Variants in DDX1 observed in about 807,000 individuals in gnomAD.
DDX1 encodes the protein ATP-dependent RNA helicase DDX1.
In DDX1, 28 loss-of-function variants were observed where a neutral mutation model predicts 108.7. That is an observed-to-expected ratio of 0.26 (90% CI 0.19 to 0.35). The LOEUF (loss-of-function observed/expected upper bound fraction) is 0.35. Ranked by LOEUF, DDX1 falls within the 10% of genes least tolerant of loss-of-function variation. DDX1 has a pLI of 1.00. For synonymous variants in DDX1, 295 were observed against 288.9 expected (o/e 1.02, Z -0.21); for missense variants, 710 against 884.5 (o/e 0.80, Z 2.50).
rs547819590 is a variant in DDX1 at position 15,598,453 on chromosome 2, A to G, written c.259+982A>G. On this transcript the variant is annotated intron_variant, in intron 5 of 25. Transcript: ENST00000233084. ...ATAATGGTTCTGAAAGTCACATCCT[A>G]TGAGGAATAAAGAAAGTAGAAATTT... Among the ~76,000 whole-genome samples the G allele has an allele frequency of 2.6e-5, 4 of 152,312 alleles. No individual in the cohort carries two copies. The East Asian group carries it at 7.7e-4, about 29-fold the overall frequency.
chr2:15,604,287 A>T (rs1267631357), intron 9 of DDX1, 150 bp from the exon 10 acceptor site: 1 of 602,680 alleles, frequency 1.7e-6, no homozygotes, highest in Non-Finnish European at 2.9e-6. Flanking sequence ...AGCCTGTCAA[A>T]TGCTTGTACT....
intron 13 of DDX1, 96 bp from the exon 14 acceptor site, chr2:15,613,128 T>TA: frequency 1.2e-6 from 1 of 847,318 alleles, no homozygotes; most frequent in Non-Finnish European, 1.8e-6. Context: ...TTTCTCAACC[T>TA]TAATTTCCAC....
intron 3 of DDX1, 119 bp downstream of exon 3, chr2:15,595,672 G>A: frequency 1.3e-6 from 1 of 745,028 alleles, no homozygotes; most frequent in Non-Finnish European, 2.3e-6. Context: ...ACTGTATTCA[G>A]ACTATTAGGT....
At chr2:15,596,876 GAATT>G in intron 4 of DDX1, 113 bp downstream of exon 4, 1 of 789,226 alleles carries the variant, frequency 1.3e-6, no homozygotes. Flanking sequence ...AAAAGGTAAG[GAATT>G]AATTACTTGC....
chr2:15,605,842 T>C, intron 10 of DDX1, 108 bp from the exon 11 acceptor site: 1 of 741,918 alleles, frequency 1.3e-6, no homozygotes, highest in Middle Eastern at 4.1e-4. Flanking sequence ...TTATCCATAG[T>C]GACAGGAGAG....
chr2:15,599,743 C>A (rs1241172616), intron 6 of DDX1, 27 bp downstream of exon 6: 1 of 1,551,402 alleles, frequency 6.4e-7, no homozygotes, highest in Admixed American at 1.8e-5. Flanking sequence ...TCCATCAGCT[C>A]ATTTGTAATT....
intron 10 of DDX1, among the ~76,000 whole-genome samples, chr2:15,605,045 A>G (rs917461104): frequency 6.6e-6 from 1 of 152,172 alleles, no homozygotes; most frequent in African/African-American, 2.4e-5. Flanking sequence ...ATGTTAGATG[A>G]GTGAGGTGGT....
At chr2:15,601,383 A>T (rs1043416246) in intron 6 of DDX1, among the ~76,000 whole-genome samples, 1 of 152,196 alleles carries the variant, frequency 6.6e-6, no homozygotes, top group East Asian at 1.9e-4. Context: ...GTTCAATCAC[A>T]CAAGACTGTC....
At chr2:15,606,096 C>A in intron 11 of DDX1, 54 bp from the exon 12 acceptor site, 2 of 1,565,364 alleles carry the variant, frequency 1.3e-6, no homozygotes, top group Non-Finnish European at 8.8e-7. Context: ...ATTTTGTATA[C>A]GATGGTTTTC....
chr2:15,593,917 A>G (rs1237468600), intron 1 of DDX1, among the ~76,000 whole-genome samples: 1 of 152,098 alleles, frequency 6.6e-6, no homozygotes, highest in East Asian at 1.9e-4. Context: ...TCTACTAAAA[A>G]TATGAAAAAA....
intron 13 of DDX1, among the ~76,000 whole-genome samples, chr2:15,611,053 C>T (rs1176206671): frequency 6.7e-6 from 1 of 150,158 alleles, no homozygotes. Flanking sequence ...GTTTGTGTCC[C>T]TGGGTACTTG....
chr2:15,602,354 A>G (rs1040704275), intron 6 of DDX1, among the ~76,000 whole-genome samples, 194 bp from the exon 7 acceptor site: 1 of 152,208 alleles, frequency 6.6e-6, no homozygotes, highest in Non-Finnish European at 1.5e-5. Context: ...CAGGGAATGA[A>G]ATGGTTAATT....
At chr2:15,592,761 C>G (rs559836866) in intron 1 of DDX1, among the ~76,000 whole-genome samples, 9 of 152,052 alleles carry the variant, frequency 5.9e-5, no homozygotes, top group Non-Finnish European at 1.2e-4. Context: ...ACGTTTATTG[C>G]TATATAAATG....
At position 15,627,083 on chromosome 2, in the gene DDX1, T is replaced by C. The variant is rs369671200; in HGVS notation, c.1624T>C (p.Cys542Arg). 1 of 1,611,522 alleles carries C rather than the reference T, an allele frequency of 6.2e-7. No individual in the cohort carries two copies. The highest frequency in any genetic ancestry group is 1.3e-5 in the African/African-American group (1 of 74,834). ...GPDKKGHQFS[C>R]VCLHGDRKPH... ...TGATAAAAAAGGACACCAGTTCTCA[T>C]GTGTTTGTCTTCATGGTGACAGAAA... The change falls in exon 20 of 26, where the codon TGT becomes CGT. Residue 542 changes from cysteine to arginine, a missense_variant. By Grantham distance (180) the Cys-to-Arg change is radical. Coordinates refer to ENST00000233084, the MANE Select transcript of DDX1 (RefSeq NM_004939.3).
intron 20 of DDX1, 123 bp from the exon 21 acceptor site, chr2:15,628,322 A>G: frequency 1.5e-6 from 1 of 677,566 alleles, no homozygotes; most frequent in South Asian, 1.9e-5. Context: ...GAGTATGTCG[A>G]CCTCTAATCT....
chr2:15,615,397 G>C (rs1665877305), intron 14 of DDX1, among the ~76,000 whole-genome samples: 1 of 152,162 alleles, frequency 6.6e-6, no homozygotes, highest in Non-Finnish European at 1.5e-5. Flanking sequence ...CACGTGGTTA[G>C]AATACTGTAC....
rs569566545 is a variant in DDX1 at position 15,608,663 on chromosome 2, G to GTTTT, written c.956+1369_956+1372dup. On this transcript the variant is annotated intron_variant, in intron 13 of 25. Coordinates refer to ENST00000233084, the MANE Select transcript of DDX1 (RefSeq NM_004939.3). ...CACAAAAGCCTGTGTTTTTTTTTAG[G>GTTTT]TTTTTTTTTTTTTTTTTTTTTTATG... Among the ~76,000 whole-genome samples, 214 of 106,668 alleles carry GTTTT rather than the reference G, an allele frequency of 2.0e-3. 1 individual carries two copies. Among genetic ancestry groups the GTTTT allele is most frequent in the African/African-American group, 2.5e-3 (67 of 26,700 alleles). 70.0% of individuals were successfully genotyped at this position (106,668 alleles called of 152,430 possible).
intron 19 of DDX1, among the ~76,000 whole-genome samples, chr2:15,625,358 A>G (rs1334063498): frequency 1.3e-5 from 2 of 152,170 alleles, no homozygotes; most frequent in Non-Finnish European, 2.9e-5. Context: ...TTGGTGTGAT[A>G]ATGATGTTCT....
chr2:15,611,883 C>T (rs1476769933), intron 13 of DDX1, among the ~76,000 whole-genome samples: 2 of 99,864 alleles, frequency 2.0e-5, no homozygotes, highest in African/African-American at 1.1e-4. Flanking sequence ...CGCCCCTCAC[C>T]TCCCGGACGG....
Sources: gnomAD v4.1 joint callset for allele counts (sites outside exome capture counted in the v4.1 genomes callset) on GRCh38, gnomAD v4.1.1 for gene constraint, MANE v1.5 for transcripts, NCBI Gene and HGNC (gene_info 2026-07-23, HGNC 2026-07-21) for gene names.